TBL1X: variants seen among roughly 807,000 people sequenced by gnomAD.
TBL1X encodes the protein transducin beta like 1 X-linked.
Under a neutral mutation model 50.7 loss-of-function variants are expected in TBL1X, and 10 were observed. That is an observed-to-expected ratio of 0.20 (90% CI 0.12 to 0.33). The LOEUF is 0.33. TBL1X is among the 10% of genes least tolerant of loss of function. TBL1X has a pLI of 1.00. For missense variants in TBL1X, 340 were observed against 504.4 expected, an observed-to-expected ratio of 0.67 and a Z score of 3.12; for synonymous variants, 190 against 214.7, an observed-to-expected ratio of 0.88 and a Z score of 1.01.
chrX:9,491,336 ATATT>A (rs1282570029), intron 1 of TBL1X, among the ~76,000 whole-genome samples: 5 of 25,304 alleles, frequency 2.0e-4, no homozygotes, highest in African/African-American at 6.9e-4. Context: ...ATATATATAT[ATATT>A]TTTTTTTTTT....
chrX:9,694,867 G>A (rs1285202498), intron 11 of TBL1X, among the ~76,000 whole-genome samples: 1 of 109,505 alleles, frequency 9.1e-6, no homozygotes, highest in African/African-American at 3.3e-5. Flanking sequence ...CAGCTACTCA[G>A]GAGGCTGAGG....
chrX:9,533,372 T>A (rs1163556796), intron 2 of TBL1X, among the ~76,000 whole-genome samples: 3 of 111,626 alleles, frequency 2.7e-5, no homozygotes, highest in African/African-American at 9.8e-5. Context: ...CCTCCCCACT[T>A]TTTCAAAACG....
At chrX:9,554,088 C>G (rs1156555963) in intron 2 of TBL1X, among the ~76,000 whole-genome samples, 1 of 112,267 alleles carries the variant, frequency 8.9e-6, no homozygotes, top group Non-Finnish European at 1.9e-5. Context: ...ACCATGTTGT[C>G]CAGACTGGTC....
chrX:9,581,024 A>G (rs989381868), intron 2 of TBL1X, among the ~76,000 whole-genome samples: 3 of 111,863 alleles, frequency 2.7e-5, no homozygotes, highest in Non-Finnish European at 5.6e-5. Flanking sequence ...GCCTTGGCCC[A>G]GAGGAGGAAG....
At chrX:9,497,567 A>G (rs1309271509) in intron 1 of TBL1X, among the ~76,000 whole-genome samples, 1 of 111,144 alleles carries the variant, frequency 9.0e-6, no homozygotes, top group East Asian at 2.8e-4. Flanking sequence ...TGAAAGCTAC[A>G]TTGGCCACGA....
intron 1 of TBL1X, among the ~76,000 whole-genome samples, chrX:9,476,642 T>C (rs931846137): frequency 7.2e-5 from 8 of 111,844 alleles, no homozygotes; most frequent in African/African-American, 2.6e-4. Context: ...TGTAGGGGAA[T>C]GGGAAGGCCA....
chrX:9,693,501 G>C (rs986109554), intron 11 of TBL1X, 82 bp downstream of exon 11: 1 of 911,672 alleles, frequency 1.1e-6, no homozygotes, highest in African/African-American at 2.0e-5. Flanking sequence ...GTGGTTTCTT[G>C]GAACTCGTAG....
chrX:9,699,030 G>C (rs956414247), intron 12 of TBL1X, among the ~76,000 whole-genome samples: 6 of 111,678 alleles, frequency 5.4e-5, no homozygotes, highest in Non-Finnish European at 1.1e-4. Context: ...ACCCAGGTTG[G>C]AGTGCAGTGG....
At chrX:9,509,296 C>CAGG (rs1185002643) in intron 2 of TBL1X, among the ~76,000 whole-genome samples, 1 of 93,133 alleles carries the variant, frequency 1.1e-5, no homozygotes, top group African/African-American at 4.2e-5. Context: ...GAGGCTGAGG[C>CAGG]AGGAGAATGG....
intron 2 of TBL1X, among the ~76,000 whole-genome samples, chrX:9,516,037 A>T (rs1392981640): frequency 9.0e-6 from 1 of 111,237 alleles, no homozygotes; most frequent in Non-Finnish European, 1.9e-5. Context: ...GTGCAGGACC[A>T]CTGTTTTTGT....
intron 2 of TBL1X, among the ~76,000 whole-genome samples, chrX:9,503,535 A>AGGG (rs1336505466): frequency 1.8e-5 from 2 of 113,104 alleles, no homozygotes; most frequent in Non-Finnish European, 3.8e-5. Context: ...CTCCCTGGAC[A>AGGG]GGGGGAAGGG....
chrX:9,560,733 T>C (rs2082320998), intron 2 of TBL1X, among the ~76,000 whole-genome samples: 1 of 111,901 alleles, frequency 8.9e-6, no homozygotes, highest in Admixed American at 9.5e-5. Context: ...GCAGTGTTCA[T>C]GAAGCAGGTG....
Position 9,631,626 on chromosome X carries a change from C to T in TBL1X, c.-130-8647C>T, listed in dbSNP as rs184117840. On this transcript the variant is annotated intron_variant, in intron 2 of 17. Coordinates refer to ENST00000645353, the MANE Select transcript of TBL1X (RefSeq NM_005647.4). ...CTTACAACAACAATGTGCTTTCATT[C>T]TCCTTCCATTCTTAGTGCTTTGTGC... 2.7e-5 allele frequency among the ~76,000 whole-genome samples: 3 copies of T among 112,659 alleles called. No homozygotes were observed. In the East Asian group the frequency reaches 8.4e-4, roughly 31 times the overall value.
chrX:9,480,381 CTG>C (rs1485305251), intron 1 of TBL1X, among the ~76,000 whole-genome samples: 2 of 112,286 alleles, frequency 1.8e-5, no homozygotes, highest in Non-Finnish European at 3.8e-5. Context: ...TGGGACAAAA[CTG>C]AAAGTTTAAG....
chrX:9,465,890 G>A (rs529363453), intron 1 of TBL1X, among the ~76,000 whole-genome samples: 14 of 113,287 alleles, frequency 1.2e-4, no homozygotes, highest in Middle Eastern at 4.6e-3. Flanking sequence ...CCGCTGTTGG[G>A]GAGAAGAGCC....
At chrX:9,619,539 C>T (rs1292564202) in intron 2 of TBL1X, among the ~76,000 whole-genome samples, 1 of 112,402 alleles carries the variant, frequency 8.9e-6, no homozygotes, top group Non-Finnish European at 1.9e-5. Flanking sequence ...CACACCTGTC[C>T]TCAAGTAAAA....
At chrX:9,546,020 A>G (rs2082240390) in intron 2 of TBL1X, among the ~76,000 whole-genome samples, 1 of 111,651 alleles carries the variant, frequency 9.0e-6, no homozygotes, top group African/African-American at 3.3e-5. Context: ...GCATCCCCTC[A>G]GGAACTCAGA....
At chrX:9,705,994 G>A (rs137994800) in intron 13 of TBL1X, among the ~76,000 whole-genome samples, 1,540 of 110,951 alleles carry the variant, frequency 0.014, 23 homozygotes, top group African/African-American at 0.048. Flanking sequence ...CACCTCACAT[G>A]GCCAGAGCAG....
chrX:9,510,227 G>A (rs2082048768), intron 2 of TBL1X, among the ~76,000 whole-genome samples: 1 of 111,473 alleles, frequency 9.0e-6, no homozygotes, highest in African/African-American at 3.3e-5. Context: ...AGCCCTAAAT[G>A]TCTACAGTGC....
Sources: allele counts gnomAD v4.1 joint callset (sites outside exome capture counted in the v4.1 genomes callset), GRCh38; gene constraint gnomAD v4.1.1; transcripts MANE v1.5; gene names NCBI Gene and HGNC (gene_info 2026-07-23, HGNC 2026-07-21).